GRAMD1C: variants seen among roughly 807,000 people sequenced by gnomAD.
GRAMD1C encodes the protein protein Aster-C.
Under a neutral mutation model 97.8 loss-of-function variants are expected in GRAMD1C, and 89 were observed. The observed-to-expected ratio is 0.91, with a 90% CI of 0.77 to 1.09. The LOEUF is 1.09. Ranked by LOEUF, GRAMD1C falls within the 50% of genes least tolerant of loss-of-function variation. The probability of loss-of-function intolerance (pLI) is 0.00; values close to 1 mark genes in which losing one functional copy is unlikely to be tolerated. For missense variants in GRAMD1C, 740 were observed against 766.4 expected (o/e 0.97, Z 0.41); for synonymous variants, 256 against 267.0 (o/e 0.96, Z 0.40).
intron 2 of GRAMD1C, among the ~76,000 whole-genome samples, chr3:113,863,243 A>C (rs909558733): frequency 6.6e-6 from 1 of 152,222 alleles, no homozygotes; most frequent in African/African-American, 2.4e-5. Flanking sequence ...ATGAAATATT[A>C]TTCATCCATA....
At chr3:113,887,095 TG>T (rs550355801) in intron 6 of GRAMD1C, among the ~76,000 whole-genome samples, 23,411 of 115,374 alleles carry the variant, frequency 0.2, 4,757 homozygotes, top group East Asian at 0.41. Flanking sequence ...GTTTTTTTTT[TG>T]TTTTTTTTTT....
intron 10 of GRAMD1C, among the ~76,000 whole-genome samples, chr3:113,928,148 C>T (rs908326224): frequency 6.6e-6 from 1 of 152,154 alleles, no homozygotes; most frequent in East Asian, 1.9e-4. Context: ...GGGGCCGCTG[C>T]CCAGCTTTGC....
At chr3:113,916,594 T>G (rs937700653) in intron 10 of GRAMD1C, among the ~76,000 whole-genome samples, 5 of 152,144 alleles carry the variant, frequency 3.3e-5, no homozygotes, top group Admixed American at 3.3e-4. Flanking sequence ...GTTACTGTTG[T>G]GGAGAGTCAG....
At chr3:113,841,303 C>T (rs1402860042) in intron 1 of GRAMD1C, among the ~76,000 whole-genome samples, 85 of 2,412 alleles carry the variant, frequency 0.035, 1 homozygote, top group Non-Finnish European at 0.037. Context: ...TTTTTTTTTG[C>T]GAGACAGAGT....
intron 5 of GRAMD1C, among the ~76,000 whole-genome samples, chr3:113,876,573 G>A (rs895783059): frequency 1.3e-5 from 2 of 152,044 alleles, no homozygotes; most frequent in Non-Finnish European, 2.9e-5. Flanking sequence ...AGTAATAACT[G>A]CACAATAGCA....
At chr3:113,843,346 G>A (rs949974572) in intron 1 of GRAMD1C, among the ~76,000 whole-genome samples, 8 of 151,798 alleles carry the variant, frequency 5.3e-5, no homozygotes, top group Admixed American at 5.3e-4. Flanking sequence ...CAAAGTGCTG[G>A]GATTATAGGC....
At chr3:113,900,669 G>T (rs956204911) in intron 6 of GRAMD1C, among the ~76,000 whole-genome samples, 4 of 150,828 alleles carry the variant, frequency 2.7e-5, no homozygotes, top group African/African-American at 7.3e-5. Context: ...CTCGTGATCT[G>T]CCTGCCTCAG....
At position 113,870,508 on chromosome 3, in the gene GRAMD1C, G is replaced by T. The variant is rs114914033; in HGVS notation, c.259+917G>T. On this transcript the variant is annotated intron_variant, in intron 3 of 17. Transcript: ENST00000358160. Reference sequence around the variant, plus strand: ...AGTTAGATAGAAGGAATAAGATATAGTGTTCAGTATCACATGGGGAGACTA... The same window carrying T: ...AGTTAGATAGAAGGAATAAGATATATTGTTCAGTATCACATGGGGAGACTA... Among the ~76,000 whole-genome samples the T allele has an allele frequency of 2.5e-3, 377 of 152,178 alleles. 4 individuals are homozygous for T. The highest frequency in any genetic ancestry group is 8.2e-3 in the African/African-American group (339 of 41,504).
At chr3:113,879,153 C>G (rs2566975) in intron 5 of GRAMD1C, among the ~76,000 whole-genome samples, 1 of 151,444 alleles carries the variant, frequency 6.6e-6, no homozygotes, top group Admixed American at 6.6e-5. Flanking sequence ...TGCAGTGAGT[C>G]GAGACCGCGC....
intron 10 of GRAMD1C, among the ~76,000 whole-genome samples, chr3:113,918,883 C>T (rs985148423): frequency 1.3e-5 from 2 of 152,044 alleles, no homozygotes; most frequent in African/African-American, 2.4e-5. Flanking sequence ...TTTATAGAGA[C>T]AAGTGTCTCC....
chr3:113,908,000 C>T (rs552982560), intron 8 of GRAMD1C, among the ~76,000 whole-genome samples: 1 of 152,072 alleles, frequency 6.6e-6, no homozygotes, highest in African/African-American at 2.4e-5. Context: ...ATCTTCTGAC[C>T]AGGGCAATAT....
intron 2 of GRAMD1C, among the ~76,000 whole-genome samples, chr3:113,858,678 G>A (rs1256817408): frequency 6.6e-6 from 1 of 152,118 alleles, no homozygotes. Context: ...ACAGGCGTGA[G>A]CCACTGCACC....
intron 1 of GRAMD1C, among the ~76,000 whole-genome samples, chr3:113,828,922 C>T (rs757597499): frequency 2.0e-5 from 3 of 152,164 alleles, no homozygotes; most frequent in Admixed American, 6.5e-5. Context: ...ATCTTTCCAA[C>T]TCATCACTTC....
chr3:113,911,091 T>C (rs1936551056), intron 9 of GRAMD1C, among the ~76,000 whole-genome samples: 1 of 151,730 alleles, frequency 6.6e-6, no homozygotes, highest in African/African-American at 2.4e-5. Flanking sequence ...CTGTGTCTGC[T>C]CATAGCCTTT....
rs375636599 is a variant in GRAMD1C, at chr3:113,930,779, A to G, written c.1156A>G (p.Ile386Val). The part of the protein sequence containing the change: ...GDQLRTMTYT[I>V]VLNSPLTGKC... ...TCAGCTGAGAACGATGACCTACACT[A>G]TAGTCCTTAATAGTCCACTTACTGG... The change falls in exon 11 of 18, where the codon ATA (isoleucine) becomes GTA (valine). Residue 386 changes from isoleucine to valine, a missense_variant. Ile to Val is a conservative substitution (Grantham distance 29, BLOSUM62 3). Coordinates refer to ENST00000358160, the MANE Select transcript of GRAMD1C (RefSeq NM_017577.5). 30 of 1,611,564 alleles carry G rather than the reference A, an allele frequency of 1.9e-5. No homozygotes were observed. In the African/African-American group the frequency reaches 2.3e-4, roughly 12 times the overall value.
chr3:113,855,225 T>G (rs1934072150), intron 2 of GRAMD1C, among the ~76,000 whole-genome samples: 1 of 151,986 alleles, frequency 6.6e-6, no homozygotes, highest in African/African-American at 2.4e-5. Flanking sequence ...GCAGGAGGAT[T>G]GCTTGAAACC....
chr3:113,904,975 C>T (rs1172521267), intron 8 of GRAMD1C, among the ~76,000 whole-genome samples: 2 of 152,176 alleles, frequency 1.3e-5, no homozygotes, highest in Non-Finnish European at 2.9e-5. Context: ...GCTCAGGTTA[C>T]AGGCACGTGC....
intron 2 of GRAMD1C, among the ~76,000 whole-genome samples, chr3:113,865,065 C>T (rs182099365): frequency 7.9e-5 from 12 of 152,234 alleles, no homozygotes; most frequent in Admixed American, 2.6e-4. Context: ...TGGTCTCATC[C>T]GGCCAGGGTC....
At chr3:113,890,928 T>C in intron 6 of GRAMD1C, 1 of 523,316 alleles carries the variant, frequency 1.9e-6, no homozygotes, top group Non-Finnish European at 3.4e-6. Context: ...CCACCCACCA[T>C]AGCCAAGAAA....
Sources: gnomAD v4.1 joint callset for allele counts (sites outside exome capture counted in the v4.1 genomes callset) on GRCh38, gnomAD v4.1.1 for gene constraint, MANE v1.5 for transcripts, NCBI Gene and HGNC (gene_info 2026-07-23, HGNC 2026-07-21) for gene names.